POPDC1: variants seen among roughly 807,000 people sequenced by gnomAD.
POPDC1 encodes popeye domain-containing protein 1.
the POPDC1 span, among the ~76,000 whole-genome samples, chr6:105,131,982 T>C: frequency 1.3e-5 from 2 of 151,088 alleles, no homozygotes; most frequent in Non-Finnish European, 2.9e-5. Flanking sequence ...TTTTTTTTTT[T>C]TTGAGGCAGA....
the POPDC1 span, among the ~76,000 whole-genome samples, chr6:105,106,349 G>T: frequency 4.6e-5 from 7 of 152,184 alleles, no homozygotes; most frequent in Non-Finnish European, 8.8e-5. Flanking sequence ...GTGCTCTGGG[G>T]TGTCTGCCAC....
the POPDC1 span, among the ~76,000 whole-genome samples, chr6:105,105,239 T>C: frequency 1.3e-5 from 2 of 152,308 alleles, no homozygotes; most frequent in East Asian, 3.9e-4. Context: ...TCCACCTTGG[T>C]AGACACACTG....
the POPDC1 span, among the ~76,000 whole-genome samples, chr6:105,101,417 G>C: frequency 6.6e-6 from 1 of 152,194 alleles, no homozygotes; most frequent in Admixed American, 6.5e-5. Context: ...CTCTCAGTCA[G>C]GAGCACAGAT....
At chr6:105,112,415 A>T in the POPDC1 span, among the ~76,000 whole-genome samples, 1 of 152,320 alleles carries the variant, frequency 6.6e-6, no homozygotes, top group South Asian at 2.1e-4. Context: ...AGGTGGAACA[A>T]TGTAAAAAGG....
At chr6:105,123,143 C>T in the POPDC1 span, among the ~76,000 whole-genome samples, 2 of 152,180 alleles carry the variant, frequency 1.3e-5, no homozygotes, top group African/African-American at 2.4e-5. Context: ...AACATTCCTT[C>T]CTCCCTCAGG....
the POPDC1 span, among the ~76,000 whole-genome samples, chr6:105,117,986 G>A: frequency 6.6e-6 from 1 of 152,166 alleles, no homozygotes; most frequent in Non-Finnish European, 1.5e-5. Flanking sequence ...GGTCGAGGTT[G>A]CAGCGAGCCA....
the POPDC1 span, chr6:105,098,647 T>C: frequency 6.6e-6 from 1 of 152,200 alleles, no homozygotes; most frequent in Non-Finnish European, 1.5e-5. Flanking sequence ...CTGCCCAACT[T>C]AACCCCAATG....
chr6:105,101,934 C>A, the POPDC1 span, among the ~76,000 whole-genome samples: 9,622 of 152,238 alleles, frequency 0.063, 534 homozygotes, highest in African/African-American at 0.15. Flanking sequence ...ATAATGGATA[C>A]CATGCTTGAT....
chr6:105,118,247 A>G, the POPDC1 span, among the ~76,000 whole-genome samples: 93 of 152,290 alleles, frequency 6.1e-4, 1 homozygote, highest in East Asian at 0.017. Flanking sequence ...ATCTACCAAG[A>G]CAGAAAATGA....
At chr6:105,120,608 G>A in the POPDC1 span, among the ~76,000 whole-genome samples, 8 of 152,298 alleles carry the variant, frequency 5.3e-5, no homozygotes, top group East Asian at 3.9e-4. Context: ...CTTTCAGGTC[G>A]AGAATTAGAC....
the POPDC1 span, among the ~76,000 whole-genome samples, chr6:105,131,157 C>T: frequency 3.3e-5 from 5 of 152,122 alleles, no homozygotes; most frequent in Non-Finnish European, 1.5e-5. Context: ...CAAAAGCTAA[C>T]CACCCACTTT....
the POPDC1 span, among the ~76,000 whole-genome samples, chr6:105,134,337 T>C: frequency 3.9e-5 from 6 of 152,102 alleles, no homozygotes; most frequent in African/African-American, 1.2e-4. Flanking sequence ...TGAAAATCCA[T>C]AGCAAGTACA....
At chr6:105,133,233 A>C in the POPDC1 span, 82 of 751,594 alleles carry the variant, frequency 1.1e-4, no homozygotes, top group South Asian at 1.5e-3. Context: ...TCATTAACAA[A>C]GACTTACATT....
the POPDC1 span, among the ~76,000 whole-genome samples, chr6:105,128,304 A>G: frequency 6.6e-6 from 1 of 152,220 alleles, no homozygotes; most frequent in African/African-American, 2.4e-5. Context: ...CAGAAACAAT[A>G]TATGTCCCTT....
At chr6:105,127,527 A>G in the POPDC1 span, among the ~76,000 whole-genome samples, 6 of 152,134 alleles carry the variant, frequency 3.9e-5, no homozygotes, top group African/African-American at 1.4e-4. Context: ...ATCATAGCTC[A>G]CTGCAGTCTC....
At chr6:105,130,975 G>A in the POPDC1 span, among the ~76,000 whole-genome samples, 1 of 152,150 alleles carries the variant, frequency 6.6e-6, no homozygotes, top group Non-Finnish European at 1.5e-5. Context: ...TTCCCTTGGT[G>A]ATTATCCATT....
the POPDC1 span, among the ~76,000 whole-genome samples, chr6:105,134,635 G>A: frequency 6.6e-6 from 1 of 152,122 alleles, no homozygotes; most frequent in African/African-American, 2.4e-5. Flanking sequence ...GTTTTAGGTA[G>A]TAGAATAATT....
chr6:105,131,759 A>G, the POPDC1 span, among the ~76,000 whole-genome samples: 1 of 152,056 alleles, frequency 6.6e-6, no homozygotes, highest in Non-Finnish European at 1.5e-5. Context: ...GTTAGATTTG[A>G]TAATATCTTT....
At chr6:105,114,464 T>A in the POPDC1 span, among the ~76,000 whole-genome samples, 16 of 134,468 alleles carry the variant, frequency 1.2e-4, no homozygotes, top group African/African-American at 4.1e-4. Context: ...ATCCCTAATA[T>A]AATTTATCTA....
Sources: allele counts gnomAD v4.1 joint callset (sites outside exome capture counted in the v4.1 genomes callset), GRCh38; gene constraint gnomAD v4.1.1; transcripts MANE v1.5; gene names NCBI Gene and HGNC (gene_info 2026-07-23, HGNC 2026-07-21).